PPIG: variants seen among roughly 807,000 people sequenced by gnomAD.
PPIG encodes the protein peptidylprolyl isomerase G.
PPIG carries 26 observed loss-of-function variants against 87.9 expected under a neutral mutation model. That is an observed-to-expected ratio of 0.30 (90% CI 0.22 to 0.41). The LOEUF (loss-of-function observed/expected upper bound fraction) is 0.41, where lower values mean the gene tolerates loss of function less well. Among genes scored for constraint, PPIG ranks in the 10% least tolerant of loss-of-function variants. PPIG has a pLI of 1.00. For missense variants in PPIG, 722 were observed against 879.4 expected (o/e 0.82, Z 2.26); for synonymous variants, 308 against 276.5 (o/e 1.11, Z -1.13).
intron 9 of PPIG, among the ~76,000 whole-genome samples, chr2:169,624,244 A>G (rs4308100): frequency 0.64 from 97,746 of 152,048 alleles, 31,979 homozygotes; most frequent in African/African-American, 0.78. Flanking sequence ...GGGATTACAG[A>G]TATGAGCTAT....
chr2:169,636,043 C>A, intron 12 of PPIG, 49 bp from the exon 13 acceptor site: 1 of 1,402,830 alleles, frequency 7.1e-7, no homozygotes, highest in Non-Finnish European at 9.7e-7. Flanking sequence ...CCATGCGAGT[C>A]CCTCTATACT....
chr2:169,591,920 A>ATTTTTTTTTTTT (rs3067016), intron 1 of PPIG, among the ~76,000 whole-genome samples: 1 of 87,410 alleles, frequency 1.1e-5, no homozygotes, highest in Non-Finnish European at 2.0e-5. Context: ...GCAATTCATG[A>ATTTTTTTTTTTT]TTTTTTTTTT....
At chr2:169,606,590 TCA>T (rs1685333179) in intron 5 of PPIG, among the ~76,000 whole-genome samples, 1 of 9,998 alleles carries the variant, frequency 1.0e-4, no homozygotes, top group Non-Finnish European at 2.0e-4. Context: ...AGACTCTGTC[TCA>T]AAAAAAAAAA....
intron 1 of PPIG, among the ~76,000 whole-genome samples, chr2:169,585,223 C>T (rs1574429128): frequency 1.3e-5 from 2 of 149,902 alleles, no homozygotes; most frequent in African/African-American, 4.9e-5. Context: ...GATTTCGGGG[C>T]TCAGTATGCC....
At position 169,636,755 on chromosome 2, in the gene PPIG, AAAAG is replaced by A; in HGVS notation, c.1501_1504del (p.Glu501SerfsTer22). ...GAAGGGATCATGAAAATGTTAAAGA[AAAAG>A]AAAAGCAGTCTGATTCTAAAGGAAA... On this transcript the variant is annotated frameshift_variant, in exon 14 of 14. Transcript: ENST00000260970. LOFTEE classifies it high-confidence loss of function. 1 of 1,612,154 alleles carries A rather than the reference AAAAG, an allele frequency of 6.2e-7. No individual in the cohort carries two copies. Among genetic ancestry groups the A allele is most frequent in the Non-Finnish European group, 8.5e-7 (1 of 1,179,730 alleles).
chr2:169,607,174 GT>G lies in PPIG; in HGVS notation c.289+30del, dbSNP rs533463485. On this transcript the variant is annotated intron_variant, in intron 6 of 13. Coordinates refer to ENST00000260970, the MANE Select transcript of PPIG (RefSeq NM_004792.3). ...GTAAAAATGTTTACATTTATATTAT[GT>G]TTTAAATATTTTGTCTTTTATTCTA... is the stretch of plus-strand genomic sequence containing the variant. 5.3e-4 allele frequency: 716 copies of G among 1,356,924 alleles called. 9 individuals carry two copies. The South Asian group carries it at 8.0e-3, about 15-fold the overall frequency. 84.1% of individuals were successfully genotyped at this position (1,356,924 alleles called of 1,614,324 possible).
intron 1 of PPIG, among the ~76,000 whole-genome samples, chr2:169,598,128 G>C (rs557385372): frequency 2.6e-5 from 4 of 151,986 alleles, no homozygotes; most frequent in African/African-American, 9.6e-5. Context: ...AGCCTCCCAG[G>C]TAGCTGGGAC....
At chr2:169,591,635 G>C (rs1684864621) in intron 1 of PPIG, among the ~76,000 whole-genome samples, 1 of 152,080 alleles carries the variant, frequency 6.6e-6, no homozygotes. Context: ...GGTGAGGTAA[G>C]TACATGAGGT....
chr2:169,585,993 A>G (rs916998984), intron 1 of PPIG, among the ~76,000 whole-genome samples: 2 of 152,142 alleles, frequency 1.3e-5, no homozygotes, highest in Admixed American at 1.3e-4. Context: ...AAAATCCAGA[A>G]AAGATACATT....
In PPIG at chr2:169,591,108, T is replaced by C. The variant is rs1317778646; in HGVS notation, c.-70+6618T>C. ...GAAACTTCCAAATAACTTTAAAATA[T>C]AATAAAGTTACCATATGCCTACTTA... On this transcript the variant is annotated intron_variant, in intron 1 of 13. Transcript: ENST00000260970. Among the ~76,000 whole-genome samples, 5 of 152,250 alleles carry C rather than the reference T, an allele frequency of 3.3e-5. No individual in the cohort carries two copies. The South Asian group carries it at 6.2e-4, about 19-fold the overall frequency.
intron 1 of PPIG, among the ~76,000 whole-genome samples, chr2:169,595,153 C>T (rs1437767546): frequency 1.3e-5 from 2 of 152,110 alleles, no homozygotes; most frequent in Non-Finnish European, 2.9e-5. Flanking sequence ...TTCTCGAACT[C>T]TTGACCTCAG....
intron 9 of PPIG, among the ~76,000 whole-genome samples, chr2:169,626,557 A>ATGGT (rs753318684): frequency 2.4e-4 from 37 of 151,634 alleles, no homozygotes; most frequent in Non-Finnish European, 4.0e-4. Flanking sequence ...ATACTCAGCT[A>ATGGT]ATTTTTGTAT....
At chr2:169,631,646 T>C (rs1686054803) in intron 10 of PPIG, 120 bp from the exon 11 acceptor site, 2 of 1,497,476 alleles carry the variant, frequency 1.3e-6, no homozygotes, top group Non-Finnish European at 1.8e-6. Context: ...ATCACATCTT[T>C]GGTAAGGACA....
chr2:169,584,490 G>C lies in PPIG; in HGVS notation c.-70G>C, dbSNP rs999415965. 5 of 470,814 alleles carry C rather than the reference G, an allele frequency of 1.1e-5. No homozygotes were observed. In the Admixed American group the frequency reaches 1.2e-4, roughly 11 times the overall value. 29.2% of individuals were successfully genotyped at this position (470,814 alleles called of 1,614,324 possible). A position where few individuals can be genotyped will look rare whatever the true frequency, so the allele number is the denominator to read the frequency against. On this transcript the variant is annotated splice_region_variant and 5_prime_UTR_variant, in exon 1 of 14. Coordinates refer to ENST00000260970, the MANE Select transcript of PPIG (RefSeq NM_004792.3). ...AGAAGAGGAAAACTCTACCGGTGCA[G>C]GTAAGTGGTATGAGGCTCAAGTTGT...
intron 8 of PPIG, 29 bp downstream of exon 8, chr2:169,614,522 C>T: frequency 1.3e-6 from 2 of 1,555,168 alleles, no homozygotes; most frequent in South Asian, 1.2e-5. Flanking sequence ...ATTTTACAAC[C>T]TGTTTTAAAT....
chr2:169,639,913 A>G lies in PPIG; in HGVS notation c.*2390A>G, dbSNP rs1209028643. The stretch of plus-strand genomic sequence containing the variant: ...TGGTTTTATAGTTATGTCTAAATTT[A>G]TGGTTCATGTCAAAGTATTTTTGAC... On this transcript the variant is annotated 3_prime_UTR_variant, in exon 14 of 14. Transcript: ENST00000260970. The G allele has an allele frequency of 6.6e-6, 1 of 152,112 alleles. No homozygotes were observed. The highest frequency in any genetic ancestry group is 1.5e-5 in the Non-Finnish European group (1 of 67,984). 9.4% of individuals were successfully genotyped at this position (152,112 alleles called of 1,614,324 possible). A position where few individuals can be genotyped will look rare whatever the true frequency, so the allele number is the denominator to read the frequency against.
At chr2:169,601,546 A>G (rs1478132158) in intron 1 of PPIG, among the ~76,000 whole-genome samples, 1 of 152,212 alleles carries the variant, frequency 6.6e-6, no homozygotes, top group Non-Finnish European at 1.5e-5. Context: ...GGCCTCTATA[A>G]GAAGGTGATA....
chr2:169,633,801 A>T (rs1477015695), intron 12 of PPIG, among the ~76,000 whole-genome samples: 1 of 150,934 alleles, frequency 6.6e-6, no homozygotes, highest in Non-Finnish European at 1.5e-5. Flanking sequence ...CATCTTACTT[A>T]ATCTTGCTCC....
chr2:169,607,289 G>T, intron 6 of PPIG, 141 bp downstream of exon 6: 3 of 510,142 alleles, frequency 5.9e-6, no homozygotes, highest in African/African-American at 2.0e-5. Context: ...TTAATTTTCT[G>T]GTAAAAAAAA....
Sources: allele counts gnomAD v4.1 joint callset (sites outside exome capture counted in the v4.1 genomes callset), GRCh38; gene constraint gnomAD v4.1.1; transcripts MANE v1.5; gene names NCBI Gene and HGNC (gene_info 2026-07-23, HGNC 2026-07-21).